Variants in ATP1A3 observed in about 807,000 individuals in gnomAD.
ATP1A3 encodes ATPase Na+/K+ transporting subunit alpha 3.
Under a neutral mutation model 108.8 loss-of-function variants are expected in ATP1A3, and 12 were observed. The observed-to-expected ratio is 0.11, with a 90% confidence interval of 0.07 to 0.18. ATP1A3 has a LOEUF of 0.18. Among genes scored for constraint, ATP1A3 ranks in the 10% least tolerant of loss-of-function variants. The pLI is 1.00. For missense variants in ATP1A3, 498 were observed against 1,387.7 expected, an observed-to-expected ratio of 0.36 and a Z score of 10.19; for synonymous variants, 539 against 564.5, an observed-to-expected ratio of 0.95 and a Z score of 0.64.
chr19:41,981,439 C>T lies in ATP1A3; in HGVS notation c.1437+63G>A. 6.2e-7 allele frequency: 1 copy of T among 1,612,750 alleles called. No homozygotes were observed. ...CGGGAAAATCAAGGCTCTATGACAC[C>T]TCTTTACAGGCGTCATAAGGAACCT... is the stretch of plus-strand genomic sequence containing the variant. On this transcript the variant is annotated intron_variant, in intron 11 of 22. Coordinates refer to ENST00000648268, the MANE Select transcript of ATP1A3 (RefSeq NM_152296.5). The surrounding 1 kb of genome is among the most constrained non-coding windows in gnomAD (Gnocchi z 5.0).
intron 14 of ATP1A3, 36 bp from the exon 15 acceptor site, chr19:41,976,602 G>T (rs781858498): frequency 6.2e-7 from 1 of 1,612,518 alleles, no homozygotes; most frequent in African/African-American, 1.3e-5. Context: ...CTGAGGTCAG[G>T]GTGTGTGAGG....
intron 1 of ATP1A3, chr19:41,993,370 A>G: frequency 6.5e-7 from 1 of 1,531,928 alleles, no homozygotes; most frequent in Non-Finnish European, 8.7e-7. Flanking sequence ...GCACACCCTC[A>G]GCTGTGCACT....
At chr19:41,972,414 C>T (rs1555860125) in intron 16 of ATP1A3, among the ~76,000 whole-genome samples, 1 of 151,566 alleles carries the variant, frequency 6.6e-6, no homozygotes, top group African/African-American at 2.4e-5. Context: ...AGAGTGAGAC[C>T]TTGTCTCTAA....
chr19:41,979,294 C>T (rs1031452008), intron 11 of ATP1A3, among the ~76,000 whole-genome samples: 3 of 151,562 alleles, frequency 2.0e-5, no homozygotes, highest in East Asian at 1.9e-4. Flanking sequence ...TAAGCCACCA[C>T]GTCTGTGCTC....
chr19:41,993,776 T>G (rs974262528), intron 1 of ATP1A3: 18 of 612,252 alleles, frequency 2.9e-5, no homozygotes, highest in Non-Finnish European at 4.8e-5. Flanking sequence ...GCAGCTCTCA[T>G]ACGCACATGC....
intron 18 of ATP1A3, 66 bp downstream of exon 18, chr19:41,970,119 G>T: frequency 6.2e-7 from 1 of 1,613,340 alleles, no homozygotes; most frequent in Admixed American, 1.7e-5. Flanking sequence ...AAGCACCCAC[G>T]GTGGGCCAGG....
chr19:41,977,372 C>CAAGCTTAT (rs2075182444), intron 14 of ATP1A3, among the ~76,000 whole-genome samples: 1 of 152,028 alleles, frequency 6.6e-6, no homozygotes, highest in African/African-American at 2.4e-5. Context: ...CCCAATGTCA[C>CAAGCTTAT]ACAGCTTGTG....
At chr19:41,972,768 AG>A in intron 16 of ATP1A3, among the ~76,000 whole-genome samples, 1 of 135,886 alleles carries the variant, frequency 7.4e-6, no homozygotes, top group Non-Finnish European at 1.6e-5. Flanking sequence ...CATCAAAAAA[AG>A]GGGAGGGGAG....
chr19:41,976,443 G>A lies in ATP1A3; in HGVS notation c.2067C>T (p.Leu689=), dbSNP rs1555861279. The A allele has an allele frequency of 1.2e-6, 2 of 1,614,184 alleles. No homozygotes were observed. Among genetic ancestry groups the A allele is most frequent in the South Asian group, 1.1e-5 (1 of 91,078 alleles). ...VFARTSPQQK[L]IIVEGCQRQG... Reference sequence around the variant, plus strand: ...GTCTCTGACAGCCCTCCACAATGATGAGCTTCTGCTGGGGGGATGTGCGGG... The same window carrying A: ...GTCTCTGACAGCCCTCCACAATGATAAGCTTCTGCTGGGGGGATGTGCGGG... Residue 689 remains leucine, a synonymous_variant, in exon 15 of 23, where the codon CTC becomes CTT. Coordinates refer to ENST00000648268, the MANE Select transcript of ATP1A3 (RefSeq NM_152296.5).
chr19:41,972,556 G>A (rs1182887477), intron 16 of ATP1A3, among the ~76,000 whole-genome samples: 1 of 151,550 alleles, frequency 6.6e-6, no homozygotes, highest in Non-Finnish European at 1.5e-5. Context: ...CACGAGGTCA[G>A]GAGATCGAGA....
intron 19 of ATP1A3, among the ~76,000 whole-genome samples, 153 bp from the exon 20 acceptor site, chr19:41,969,068 G>A (rs562436135): frequency 5.9e-5 from 9 of 152,282 alleles, no homozygotes; most frequent in Middle Eastern, 3.4e-3. Context: ...TCATAGTCCC[G>A]AGGGAGGAGT....
At chr19:41,986,036 C>T in intron 5 of ATP1A3, 38 bp from the exon 6 acceptor site, 1 of 1,614,142 alleles carries the variant, frequency 6.2e-7, no homozygotes, top group Non-Finnish European at 8.5e-7. Flanking sequence ...CCCAGACTCC[C>T]TCTGCCTGGG....
rs782458871 is a variant in ATP1A3, at chr19:41,970,594, C to G, written c.2264-52G>C. 6 of 1,606,444 alleles carry G rather than the reference C, an allele frequency of 3.7e-6. No homozygotes were observed. The Admixed American group carries it at 6.7e-5, about 18-fold the overall frequency. On this transcript the variant is annotated intron_variant, in intron 16 of 22. Transcript: ENST00000648268. ...GCGCCCATGCCAGGGAGCCCCACTC[C>G]CTCTGCCCCTCCTCTGCCCTCATCC...
In ATP1A3 at chr19:41,985,643, G is replaced by A. The variant is rs766176499; in HGVS notation, c.607-220C>T. ...AGGTCTAGGGTCCCTAAGGATCTCCGAAAGGTGAGGGCTGGGCCTGGACTC... is the reference window on the plus strand; with the variant it reads ...AGGTCTAGGGTCCCTAAGGATCTCCAAAAGGTGAGGGCTGGGCCTGGACTC... On this transcript the variant is annotated intron_variant, in intron 6 of 22. Coordinates refer to ENST00000648268, the MANE Select transcript of ATP1A3 (RefSeq NM_152296.5). The surrounding 1 kb of genome is among the most constrained non-coding windows in gnomAD (Gnocchi z 8.2). Among the ~76,000 whole-genome samples the A allele has an allele frequency of 8.5e-5, 13 of 152,116 alleles. No individual in the cohort carries two copies. Among genetic ancestry groups the A allele is most frequent in the East Asian group, 3.9e-4 (2 of 5,184 alleles).
chr19:41,969,009 A>G, intron 19 of ATP1A3, 94 bp from the exon 20 acceptor site: 1 of 1,585,704 alleles, frequency 6.3e-7, no homozygotes, highest in Non-Finnish European at 8.6e-7. Context: ...GCCCCGCCCC[A>G]TCCTGCATGG....
Position 41,978,909 on chromosome 19 carries a change from G to C in ATP1A3, c.1438-111C>G. Reference sequence around the variant, plus strand: ...CGGGTGCCAGGATAGGCCCACACCAGGGCTCCCCCACACTCTCTCACAGAG... The same window carrying C: ...CGGGTGCCAGGATAGGCCCACACCACGGCTCCCCCACACTCTCTCACAGAG... On this transcript the variant is annotated intron_variant, in intron 11 of 22. Transcript: ENST00000648268. This position sits in a 1 kb window ranked among gnomAD's most constrained non-coding sequence, Gnocchi z 8.3. 1 of 1,010,960 alleles carries C rather than the reference G, an allele frequency of 9.9e-7. No individual in the cohort carries two copies. Among genetic ancestry groups the C allele is most frequent in the Non-Finnish European group, 1.5e-6 (1 of 668,792 alleles). The allele number at this position is 1,010,960 out of a possible 1,614,324, so 62.6% of individuals were successfully genotyped here. A position where few individuals can be genotyped will look rare whatever the true frequency, so the allele number is the denominator to read the frequency against.
At chr19:41,993,575 G>A in intron 1 of ATP1A3, 2 of 1,212,796 alleles carry the variant, frequency 1.6e-6, no homozygotes, top group South Asian at 3.0e-5. Context: ...ATCCAGGCCT[G>A]GAAGGAGAAA....
chr19:41,994,157 G>A lies in ATP1A3; in HGVS notation c.-81C>T. ...GCTCAGGCTCAGGCTTGGGCTGGGA[G>A]CCTCTGCAGCGCCCGCGCCTCGGTA... On this transcript the variant is annotated 5_prime_UTR_variant, in exon 1 of 23. Transcript: ENST00000648268. 2 of 1,369,146 alleles carry A rather than the reference G, an allele frequency of 1.5e-6. No individual in the cohort carries two copies. The highest frequency in any genetic ancestry group is 3.0e-5 in the African/African-American group (2 of 65,880). The allele number at this position is 1,369,146 out of a possible 1,614,324, so 84.8% of individuals were successfully genotyped here.
rs1410959587 is a variant in ATP1A3, at chr19:41,978,441, A to G, written c.1631-115T>C. ...CTCCCCATCAGCAAGACGGCCAGTC[A>G]GCATTCATTTCCTAGGATACCTTCC... On this transcript the variant is annotated intron_variant, in intron 12 of 22. Coordinates refer to ENST00000648268, the MANE Select transcript of ATP1A3 (RefSeq NM_152296.5). The surrounding 1 kb of genome is among the most constrained non-coding windows in gnomAD (Gnocchi z 8.3). 6.8e-7 allele frequency: 1 copy of G among 1,471,952 alleles called. No individual in the cohort carries two copies. Among genetic ancestry groups the G allele is most frequent in the South Asian group, 1.2e-5 (1 of 83,578 alleles). The allele number at this position is 1,471,952 out of a possible 1,614,324, so 91.2% of individuals were successfully genotyped here. A position where few individuals can be genotyped will look rare whatever the true frequency, so the allele number is the denominator to read the frequency against.
Sources: allele counts gnomAD v4.1 joint callset (sites outside exome capture counted in the v4.1 genomes callset), GRCh38; gene constraint gnomAD v4.1.1; non-coding constraint Gnocchi (gnomAD v3.1); transcripts MANE v1.5; gene names NCBI Gene and HGNC (gene_info 2026-07-23, HGNC 2026-07-21).